ACSM2A: variants seen among roughly 807,000 people sequenced by gnomAD.
ACSM2A encodes acyl-coenzyme A synthetase ACSM2A, mitochondrial.
ACSM2A carries 72 observed loss-of-function variants against 76.6 expected under a neutral mutation model. That is an observed-to-expected ratio of 0.94 (90% CI 0.78 to 1.14). The LOEUF (loss-of-function observed/expected upper bound fraction) is 1.14, where lower values mean the gene tolerates loss of function less well. Among genes scored for constraint, ACSM2A ranks in the 50% most tolerant of loss-of-function variants. The pLI, the probability that ACSM2A is intolerant of heterozygous loss-of-function variation, is 0.00. For synonymous variants in ACSM2A, 249 were observed against 255.9 expected, an observed-to-expected ratio of 0.97 and a Z score of 0.26; for missense variants, 684 against 708.5, an observed-to-expected ratio of 0.97 and a Z score of 0.39.
intron 1 of ACSM2A, among the ~76,000 whole-genome samples, chr16:20,458,527 A>G (rs527892924): frequency 1.4e-5 from 2 of 145,400 alleles, no homozygotes; most frequent in South Asian, 4.2e-4. Flanking sequence ...ATAATGTGTT[A>G]TATACAATAT....
rs2012303256 is a variant in ACSM2A at position 20,458,091 on chromosome 16, G to A, written c.-8-2016G>A. ...ATAGCTGCAAAAAAAAAATACTTAG[G>A]AATATACCTAACCAAAGACCTATTC... On this transcript the variant is annotated intron_variant, in intron 1 of 13. Coordinates refer to ENST00000573854, the MANE Select transcript of ACSM2A (RefSeq NM_001308172.2). Among the ~76,000 whole-genome samples the A allele has an allele frequency of 2.0e-5, 3 of 151,428 alleles. No individual in the cohort carries two copies. The South Asian group carries it at 6.3e-4, about 32-fold the overall frequency.
chr16:20,471,293 T>A (rs915147437), intron 5 of ACSM2A, 77 bp downstream of exon 5: 6 of 1,559,690 alleles, frequency 3.8e-6, no homozygotes, highest in Non-Finnish European at 5.2e-6. Flanking sequence ...CAATTATATA[T>A]TAAGTCAGGT....
At chr16:20,460,086 T>A in intron 1 of ACSM2A, 21 bp from the exon 2 acceptor site, 1 of 1,591,602 alleles carries the variant, frequency 6.3e-7, no homozygotes, top group South Asian at 1.1e-5. Context: ...CTCTCACCTG[T>A]GTCTCTTCTT....
At chr16:20,469,376 T>C in intron 3 of ACSM2A, 136 bp from the exon 4 acceptor site, 1 of 1,463,480 alleles carries the variant, frequency 6.8e-7, no homozygotes, top group Non-Finnish European at 9.0e-7. Flanking sequence ...TTCCCTTTTT[T>C]ATTGACACTC....
chr16:20,452,175 T>A (rs2011796059), intron 1 of ACSM2A: 1 of 151,910 alleles, frequency 6.6e-6, no homozygotes, highest in African/African-American at 2.4e-5. Flanking sequence ...TGATCCTGGA[T>A]GTGTCTGTGA....
intron 12 of ACSM2A, chr16:20,482,134 CAAAAAAAAAAAA>C (rs768615976): frequency 2.0e-5 from 1 of 49,736 alleles, no homozygotes; most frequent in African/African-American, 5.9e-5. Context: ...GACTCTGTCT[CAAAAAAAAAAAA>C]AAAAAAAAAG....
intron 1 of ACSM2A, among the ~76,000 whole-genome samples, chr16:20,454,698 C>A (rs1231624422): frequency 6.6e-6 from 1 of 151,898 alleles, no homozygotes; most frequent in East Asian, 1.9e-4. Flanking sequence ...ACATAGCCTA[C>A]CCAAATGAGA....
chr16:20,460,186 C>G lies in ACSM2A; in HGVS notation c.72C>G (p.Tyr24Ter), dbSNP rs142460751. ...WGTQMSSRTL[Y>*]INSRQLVSLQ... is the part of the protein sequence containing the mutation. Reference sequence around the variant, plus strand: ...CTCAGATGTCCAGCCGCACTCTCTACATTAATAGTAGGCAACTGGTGTCCC... The same window carrying G: ...CTCAGATGTCCAGCCGCACTCTCTAGATTAATAGTAGGCAACTGGTGTCCC... The change falls in exon 2 of 14, where the codon TAC (tyrosine) becomes TAG (stop). Residue 24 changes from tyrosine (Y) to a stop codon, truncating the protein, a stop_gained. Transcript: ENST00000573854. LOFTEE classifies it high-confidence loss of function. 2.1e-4 allele frequency: 345 copies of G among 1,613,492 alleles called. No individual in the cohort carries two copies. Among genetic ancestry groups the G allele is most frequent in the Admixed American group, 3.5e-4 (21 of 59,912 alleles).
At chr16:20,478,237 G>C (rs2013863265) in intron 9 of ACSM2A, among the ~76,000 whole-genome samples, 1 of 152,176 alleles carries the variant, frequency 6.6e-6, no homozygotes, top group Non-Finnish European at 1.5e-5. Flanking sequence ...AGGTAGCAGA[G>C]TAAATTTGAG....
chr16:20,453,323 T>C (rs1204922201), intron 1 of ACSM2A: 8 of 151,844 alleles, frequency 5.3e-5, no homozygotes, highest in Admixed American at 2.0e-4. Flanking sequence ...TGGATATTTA[T>C]CACTTCCCAA....
chr16:20,471,206 A>G lies in ACSM2A; in HGVS notation c.730A>G (p.Met244Val). 6.2e-7 allele frequency: 1 copy of G among 1,610,146 alleles called. No individual in the cohort carries two copies. Among genetic ancestry groups the G allele is most frequent in the African/African-American group, 1.3e-5 (1 of 74,978 alleles). The change falls in exon 5 of 14, where the codon ATG becomes GTG. Residue 244 changes from methionine to valine, a missense_variant. By Grantham distance (21) the Met-to-Val change is conservative. This residue lies in a region of ACSM2A where 519 missense variants were observed against 549.5 expected (regional missense o/e 0.94). Coordinates refer to ENST00000573854, the MANE Select transcript of ACSM2A (RefSeq NM_001308172.2). ...SYSSLGLKAK[M>V]DAGWTGLQAS... ...CTCGAGCCTGGGCCTCAAGGCCAAG[A>G]TGGATGCTGGGTAAGCTGAGCTCTT... is the stretch of plus-strand genomic sequence containing the variant.
chr16:20,466,836 G>T (rs1457309342), intron 3 of ACSM2A, among the ~76,000 whole-genome samples: 7 of 152,132 alleles, frequency 4.6e-5, no homozygotes, highest in South Asian at 4.1e-4. Context: ...AATTGGGGAG[G>T]TTACAAATCT....
intron 6 of ACSM2A, chr16:20,473,946 T>A (rs1351640312): frequency 2.5e-6 from 1 of 401,482 alleles, no homozygotes; most frequent in East Asian, 7.7e-5. Context: ...CATTCCTTTC[T>A]ATTGATCCCA....
intron 13 of ACSM2A, among the ~76,000 whole-genome samples, chr16:20,484,904 C>A (rs1340104667): frequency 6.6e-6 from 1 of 152,118 alleles, no homozygotes; most frequent in African/African-American, 2.4e-5. Context: ...GGAGGAGGAT[C>A]TCAGCTGCAT....
At chr16:20,477,245 G>A in intron 8 of ACSM2A, 124 bp from the exon 9 acceptor site, 1 of 1,412,210 alleles carries the variant, frequency 7.1e-7, no homozygotes, top group Non-Finnish European at 9.3e-7. Flanking sequence ...GAGGAGCAGG[G>A]GGAGCCACCA....
intron 6 of ACSM2A, among the ~76,000 whole-genome samples, chr16:20,472,467 C>G (rs190343673): frequency 6.6e-6 from 1 of 152,080 alleles, no homozygotes. Context: ...GCATAATTAC[C>G]CCTAAAAGCC....
intron 8 of ACSM2A, chr16:20,476,063 G>C (rs140718178): frequency 1.8e-5 from 19 of 1,064,856 alleles, no homozygotes; most frequent in Non-Finnish European, 2.3e-5. Flanking sequence ...AAGTAAAGTA[G>C]ATGACATGGG....
intron 1 of ACSM2A, among the ~76,000 whole-genome samples, chr16:20,454,707 G>A (rs939205521): frequency 2.6e-5 from 4 of 151,868 alleles, no homozygotes; most frequent in Non-Finnish European, 5.9e-5. Context: ...ACCCAAATGA[G>A]AAGGAACCAG....
intron 4 of ACSM2A, 69 bp from the exon 5 acceptor site, chr16:20,471,004 A>G: frequency 6.2e-7 from 1 of 1,600,822 alleles, no homozygotes; most frequent in Non-Finnish European, 8.5e-7. Context: ...GTGGTGGGAA[A>G]AGATGGGTCA....
Sources: allele counts gnomAD v4.1 joint callset (sites outside exome capture counted in the v4.1 genomes callset), GRCh38; gene constraint gnomAD v4.1.1; regional missense constraint gnomAD v4.1.1; transcripts MANE v1.5; gene names NCBI Gene and HGNC (gene_info 2026-07-23, HGNC 2026-07-21).